SULF1: variants seen among roughly 807,000 people sequenced by gnomAD.
SULF1 encodes the protein extracellular sulfatase Sulf-1.
Under a neutral mutation model 110.5 loss-of-function variants are expected in SULF1, and 46 were observed. The ratio of observed to expected loss-of-function variants is 0.42; its 90% CI spans 0.33 to 0.53. The LOEUF (loss-of-function observed/expected upper bound fraction) is 0.53, where lower values mean the gene tolerates loss of function less well. Among genes scored for constraint, SULF1 ranks in the 20% least tolerant of loss-of-function variants. The probability of loss-of-function intolerance (pLI) is 0.12; values close to 1 mark genes in which losing one functional copy is unlikely to be tolerated. For missense variants in SULF1, 941 were observed against 1,094.2 expected (o/e 0.86, Z 1.98); for synonymous variants, 371 against 387.1 (o/e 0.96, Z 0.49).
At chr8:69,598,811 T>G (rs1300588783) in intron 8 of SULF1, among the ~76,000 whole-genome samples, 1 of 152,208 alleles carries the variant, frequency 6.6e-6, no homozygotes, top group Non-Finnish European at 1.5e-5. Flanking sequence ...TTACTTATAC[T>G]TCTGAGCATA....
chr8:69,569,654 T>C (rs1030366953), intron 5 of SULF1, among the ~76,000 whole-genome samples: 1 of 152,210 alleles, frequency 6.6e-6, no homozygotes, highest in Non-Finnish European at 1.5e-5. Context: ...ACTTTTCTTA[T>C]ACCTGGCTGC....
At chr8:69,552,243 T>C (rs903324380) in intron 3 of SULF1, among the ~76,000 whole-genome samples, 2 of 152,202 alleles carry the variant, frequency 1.3e-5, no homozygotes, top group African/African-American at 4.8e-5. Context: ...GTCCTTCTCT[T>C]GCGTAGCTCT....
intron 2 of SULF1, among the ~76,000 whole-genome samples, chr8:69,498,385 A>G (rs1488220846): frequency 6.6e-6 from 1 of 152,122 alleles, no homozygotes; most frequent in Admixed American, 6.5e-5. Context: ...AAACTCTAAA[A>G]CAAACCAAGG....
At chr8:69,520,112 T>TAC (rs34036903) in intron 3 of SULF1, among the ~76,000 whole-genome samples, 7,711 of 136,992 alleles carry the variant, frequency 0.056, 243 homozygotes, top group Middle Eastern at 0.085. Context: ...AAATTCCAGT[T>TAC]ACACACACAC....
intron 7 of SULF1, among the ~76,000 whole-genome samples, chr8:69,588,119 G>C (rs1263915420): frequency 1.3e-5 from 2 of 152,172 alleles, no homozygotes; most frequent in Non-Finnish European, 2.9e-5. Flanking sequence ...GGAGCTCCAA[G>C]CCAATGACAC....
intron 6 of SULF1, among the ~76,000 whole-genome samples, chr8:69,578,683 G>A (rs942788629): frequency 2.6e-5 from 4 of 152,098 alleles, no homozygotes; most frequent in South Asian, 2.1e-4. Context: ...TGTGCAGCCC[G>A]AGAAGTTTGT....
chr8:69,581,425 G>A (rs1297066141), intron 6 of SULF1, among the ~76,000 whole-genome samples: 1 of 152,150 alleles, frequency 6.6e-6, no homozygotes, highest in Non-Finnish European at 1.5e-5. Flanking sequence ...GACAGAAGTA[G>A]CATGGCCTGA....
chr8:69,474,749 A>C (rs954048874), intron 1 of SULF1, among the ~76,000 whole-genome samples: 3 of 152,200 alleles, frequency 2.0e-5, no homozygotes, highest in Non-Finnish European at 2.9e-5. Flanking sequence ...ACCCAATATC[A>C]AACAGATTAA....
intron 15 of SULF1, among the ~76,000 whole-genome samples, chr8:69,625,351 A>G (rs1316848508): frequency 6.6e-6 from 1 of 152,244 alleles, no homozygotes. Flanking sequence ...CCATCCACCC[A>G]TGTGACATTT....
At chr8:69,603,365 C>T in intron 11 of SULF1, 45 bp downstream of exon 11, 1 of 1,612,454 alleles carries the variant, frequency 6.2e-7, no homozygotes, top group Non-Finnish European at 8.5e-7. Context: ...ATACACTGAG[C>T]TCCAGCTGGT....
intron 13 of SULF1, among the ~76,000 whole-genome samples, chr8:69,610,606 C>A (rs1254941726): frequency 1.3e-5 from 2 of 152,212 alleles, no homozygotes; most frequent in Non-Finnish European, 2.9e-5. Context: ...TGCTTCCTTC[C>A]CTCTTCAACC....
intron 1 of SULF1, among the ~76,000 whole-genome samples, chr8:69,474,027 G>A (rs1809200554): frequency 6.6e-6 from 1 of 152,126 alleles, no homozygotes; most frequent in South Asian, 2.1e-4. Flanking sequence ...CAGTCTAAGT[G>A]TCTTCCCATT....
At chr8:69,493,188 G>C (rs1241571629) in intron 1 of SULF1, 63 bp downstream of exon 1, 1 of 152,416 alleles carries the variant, frequency 6.6e-6, no homozygotes, top group Non-Finnish European at 1.5e-5. Flanking sequence ...TCCTGTCCCT[G>C]TCCTTTTCGT....
At chr8:69,609,931 G>A (rs768698681) in intron 13 of SULF1, among the ~76,000 whole-genome samples, 165 of 152,328 alleles carry the variant, frequency 1.1e-3, no homozygotes, top group Non-Finnish European at 1.9e-3. Flanking sequence ...GCATTAATGG[G>A]TTGGTTTTTC....
intron 6 of SULF1, among the ~76,000 whole-genome samples, chr8:69,578,479 A>G (rs562309340): frequency 6.8e-6 from 1 of 147,332 alleles, no homozygotes; most frequent in Non-Finnish European, 1.5e-5. Flanking sequence ...CATAAGGTAT[A>G]TCTCCTAATG....
At chr8:69,503,545 A>G (rs1810958807) in intron 3 of SULF1, among the ~76,000 whole-genome samples, 1 of 152,192 alleles carries the variant, frequency 6.6e-6, no homozygotes, top group South Asian at 2.1e-4. Context: ...CTCAAGAGTT[A>G]TTTATCTCTT....
intron 3 of SULF1, among the ~76,000 whole-genome samples, chr8:69,526,866 G>A (rs1480013174): frequency 6.8e-6 from 1 of 147,194 alleles, no homozygotes. Context: ...AGGAAAGAAG[G>A]AGGAAGGGAA....
intron 8 of SULF1, chr8:69,597,231 AG>A (rs1015545411): frequency 6.6e-6 from 1 of 152,262 alleles, no homozygotes; most frequent in African/African-American, 2.4e-5. Context: ...AGACCTCAGC[AG>A]GGGGCAACCA....
chr8:69,549,972 G>T (rs997742769), intron 3 of SULF1, among the ~76,000 whole-genome samples: 1 of 152,002 alleles, frequency 6.6e-6, no homozygotes, highest in African/African-American at 2.4e-5. Flanking sequence ...AAGGGGGGCT[G>T]TACATGGTGT....
Sources: gnomAD v4.1 joint callset for allele counts (sites outside exome capture counted in the v4.1 genomes callset) on GRCh38, gnomAD v4.1.1 for gene constraint, MANE v1.5 for transcripts, NCBI Gene and HGNC (gene_info 2026-07-23, HGNC 2026-07-21) for gene names.